SCIN: variants seen among roughly 807,000 people sequenced by gnomAD.
The protein encoded by SCIN is adseverin.
In SCIN, 91 loss-of-function variants were observed where a neutral mutation model predicts 91.8. The ratio of observed to expected loss-of-function variants is 0.99; its 90% confidence interval spans 0.84 to 1.18. SCIN has a LOEUF of 1.18. Ranked by LOEUF, SCIN falls within the 50% of genes most tolerant of loss-of-function variation. The pLI, the probability that SCIN is intolerant of heterozygous loss-of-function variation, is 0.00. For synonymous variants in SCIN, 367 were observed against 312.6 expected, an observed-to-expected ratio of 1.17 and a Z score of -1.84; for missense variants, 1,087 against 863.9, an observed-to-expected ratio of 1.26 and a Z score of -3.24.
chr7:12,590,268 C>T (rs570860251), intron 3 of SCIN, among the ~76,000 whole-genome samples: 14 of 152,270 alleles, frequency 9.2e-5, no homozygotes, highest in Admixed American at 5.2e-4. Flanking sequence ...GTCCTCTTGA[C>T]GGGATGAATG....
Position 12,575,173 on chromosome 7 carries a change from G to A in SCIN, c.200-2891G>A, listed in dbSNP as rs549665773. ...TATATAGAAATGTGACTGATTTTTTGTATTACTGATGAATCTTGTATCCTG... is the reference window on the plus strand; with the variant it reads ...TATATAGAAATGTGACTGATTTTTTATATTACTGATGAATCTTGTATCCTG... On this transcript the variant is annotated intron_variant, in intron 1 of 15. Transcript: ENST00000297029. Among the ~76,000 whole-genome samples the A allele has an allele frequency of 1.6e-3, 242 of 149,778 alleles. 5 individuals carry two copies. In the South Asian group the frequency reaches 0.021, roughly 13 times the overall value.
intron 4 of SCIN, among the ~76,000 whole-genome samples, chr7:12,605,435 G>T (rs1178909994): frequency 6.6e-6 from 1 of 152,096 alleles, no homozygotes; most frequent in African/African-American, 2.4e-5. Context: ...CAAAGTGCAT[G>T]GGACCAGAAG....
chr7:12,571,972 G>T (rs1159350880), intron 1 of SCIN, among the ~76,000 whole-genome samples: 1 of 152,128 alleles, frequency 6.6e-6, no homozygotes, highest in Non-Finnish European at 1.5e-5. Flanking sequence ...TAGCTAGCCT[G>T]CCCAGTACTC....
chr7:12,602,102 T>G (rs529783794), intron 3 of SCIN, among the ~76,000 whole-genome samples: 1 of 152,250 alleles, frequency 6.6e-6, no homozygotes, highest in Admixed American at 6.5e-5. Flanking sequence ...CTATTTTCCA[T>G]AAGCATCAGC....
intron 4 of SCIN, among the ~76,000 whole-genome samples, chr7:12,616,642 C>T (rs979241093): frequency 7.2e-5 from 11 of 152,072 alleles, no homozygotes; most frequent in African/African-American, 2.4e-4. Context: ...AGCTCTTTCC[C>T]ACAGAGCCAG....
At chr7:12,630,382 C>T (rs1325217549) in intron 9 of SCIN, among the ~76,000 whole-genome samples, 4 of 152,212 alleles carry the variant, frequency 2.6e-5, no homozygotes, top group Non-Finnish European at 4.4e-5. Context: ...GATTGACAGG[C>T]ACTGCTTCAG....
At chr7:12,607,780 T>A (rs943063229) in intron 4 of SCIN, among the ~76,000 whole-genome samples, 6 of 152,338 alleles carry the variant, frequency 3.9e-5, no homozygotes, top group African/African-American at 1.2e-4. Context: ...TTTTGTAGCC[T>A]GATTACAAGA....
At chr7:12,603,247 C>T (rs1275425562) in intron 3 of SCIN, among the ~76,000 whole-genome samples, 3 of 152,026 alleles carry the variant, frequency 2.0e-5, no homozygotes, top group South Asian at 2.1e-4. Flanking sequence ...CGGGTTCACG[C>T]CATTCTCCTG....
At chr7:12,642,478 C>T (rs1783876745) in intron 11 of SCIN, among the ~76,000 whole-genome samples, 2 of 151,922 alleles carry the variant, frequency 1.3e-5, no homozygotes, top group Admixed American at 6.6e-5. Flanking sequence ...TGCATCATTT[C>T]TCTGTCCTTC....
At chr7:12,636,413 T>A (rs1351472456) in intron 10 of SCIN, among the ~76,000 whole-genome samples, 1 of 152,192 alleles carries the variant, frequency 6.6e-6, no homozygotes, top group African/African-American at 2.4e-5. Flanking sequence ...AATGATAGCC[T>A]CTTGACATTA....
chr7:12,577,443 C>T (rs1350669717), intron 1 of SCIN: 6 of 440,880 alleles, frequency 1.4e-5, no homozygotes, highest in Non-Finnish European at 2.7e-5. Context: ...ATCTTATTGA[C>T]CTTACCAAAT....
intron 9 of SCIN, among the ~76,000 whole-genome samples, chr7:12,630,126 T>C (rs958862017): frequency 6.6e-6 from 1 of 151,898 alleles, no homozygotes; most frequent in Admixed American, 6.6e-5. Flanking sequence ...ACATTTCTTT[T>C]TGGTGAACCT....
intron 13 of SCIN, 47 bp downstream of exon 13, chr7:12,644,752 A>G (rs1372013300): frequency 6.5e-7 from 1 of 1,534,464 alleles, no homozygotes; most frequent in East Asian, 2.5e-5. Flanking sequence ...GCGGTGGCTC[A>G]TGCCTGTAAT....
At chr7:12,644,961 G>A (rs1379801049) in intron 13 of SCIN, among the ~76,000 whole-genome samples, 1 of 141,596 alleles carries the variant, frequency 7.1e-6, no homozygotes, top group Non-Finnish European at 1.5e-5. Context: ...GTTGCAGTGA[G>A]CCAAGGTCGC....
chr7:12,583,323 C>T (rs1782526395), intron 3 of SCIN, among the ~76,000 whole-genome samples: 1 of 152,126 alleles, frequency 6.6e-6, no homozygotes, highest in South Asian at 2.1e-4. Flanking sequence ...GACTATGATT[C>T]AGTCTCATCT....
At chr7:12,633,126 A>C (rs1170816212) in intron 9 of SCIN, among the ~76,000 whole-genome samples, 1 of 152,234 alleles carries the variant, frequency 6.6e-6, no homozygotes, top group Non-Finnish European at 1.5e-5. Flanking sequence ...ATTTCAATAC[A>C]GGGACATAAA....
At chr7:12,652,368 G>T (rs934957862) in intron 15 of SCIN, among the ~76,000 whole-genome samples, 1 of 152,146 alleles carries the variant, frequency 6.6e-6, no homozygotes, top group African/African-American at 2.4e-5. Context: ...GCAGACGAGA[G>T]AAATCAAAAA....
At position 12,631,694 on chromosome 7, in the gene SCIN, T is replaced by C. The variant is rs1178960624; in HGVS notation, c.1319+2472T>C. On this transcript the variant is annotated intron_variant, in intron 9 of 15. Coordinates refer to ENST00000297029, the MANE Select transcript of SCIN (RefSeq NM_001112706.3). ...TGCCAGCAAGAAAACCCTCACCAGATGTGATCTCTTGACTTTGGACTTCTC... is the reference window on the plus strand; with the variant it reads ...TGCCAGCAAGAAAACCCTCACCAGACGTGATCTCTTGACTTTGGACTTCTC... Among the ~76,000 whole-genome samples, 3 of 152,186 alleles carry C rather than the reference T, an allele frequency of 2.0e-5. 1 individual carries two copies. The highest frequency in any genetic ancestry group is 4.4e-5 in the Non-Finnish European group (3 of 68,036).
chr7:12,609,900 A>C (rs1188394662), intron 4 of SCIN, among the ~76,000 whole-genome samples: 1 of 152,132 alleles, frequency 6.6e-6, no homozygotes, highest in Non-Finnish European at 1.5e-5. Flanking sequence ...TCAGAATAAC[A>C]TATTATGTCT....
Sources: gnomAD v4.1 joint callset for allele counts (sites outside exome capture counted in the v4.1 genomes callset) on GRCh38, gnomAD v4.1.1 for gene constraint, MANE v1.5 for transcripts, NCBI Gene and HGNC (gene_info 2026-07-23, HGNC 2026-07-21) for gene names.